The following ADAMTS19 variants were observed in gnomAD, a reference collection of about 807,000 sequenced individuals.
The protein encoded by ADAMTS19 is A disintegrin and metalloproteinase with thrombospondin motifs 19.
ADAMTS19 carries 93 observed loss-of-function variants against 153.3 expected under a neutral mutation model. The ratio of observed to expected loss-of-function variants is 0.61; its 90% CI spans 0.51 to 0.72. ADAMTS19 has a LOEUF of 0.72. Among genes scored for constraint, ADAMTS19 ranks in the 30% least tolerant of loss-of-function variants. The pLI is 0.00. For missense variants in ADAMTS19, 1,482 were observed against 1,552.1 expected, an observed-to-expected ratio of 0.95 and a Z score of 0.76; for synonymous variants, 600 against 556.6, an observed-to-expected ratio of 1.08 and a Z score of -1.10.
chr5:129,568,127 G>A (rs560424906), intron 7 of ADAMTS19, among the ~76,000 whole-genome samples: 22 of 152,234 alleles, frequency 1.4e-4, no homozygotes, highest in Admixed American at 1.3e-3. Flanking sequence ...TGCTTTAAGA[G>A]AATTGCCAAA....
intron 8 of ADAMTS19, among the ~76,000 whole-genome samples, chr5:129,618,976 G>A (rs1240262205): frequency 6.6e-6 from 1 of 151,988 alleles, no homozygotes; most frequent in Admixed American, 6.6e-5. Context: ...TGAACCAAAA[G>A]TAAAAATTTA....
intron 2 of ADAMTS19, among the ~76,000 whole-genome samples, chr5:129,507,013 C>T (rs1240509861): frequency 6.6e-6 from 1 of 151,920 alleles, no homozygotes; most frequent in African/African-American, 2.4e-5. Flanking sequence ...GAACCCAGTT[C>T]AGAATCTTTT....
At chr5:129,515,454 T>C (rs1751571136) in intron 3 of ADAMTS19, among the ~76,000 whole-genome samples, 1 of 152,054 alleles carries the variant, frequency 6.6e-6, no homozygotes, top group South Asian at 2.1e-4. Context: ...CTTTTTGGTA[T>C]CTTCTTCAAT....
chr5:129,597,880 GAC>G (rs1750455302), intron 8 of ADAMTS19, among the ~76,000 whole-genome samples: 1 of 141,734 alleles, frequency 7.1e-6, no homozygotes, highest in Non-Finnish European at 1.5e-5. Flanking sequence ...CCAGCCTGGT[GAC>G]AGAGTGAGTC....
intron 6 of ADAMTS19, among the ~76,000 whole-genome samples, chr5:129,529,794 C>T (rs1250285838): frequency 6.6e-6 from 1 of 152,046 alleles, no homozygotes; most frequent in Non-Finnish European, 1.5e-5. Context: ...AAGGGCTGGT[C>T]TGAAGATAAA....
intron 7 of ADAMTS19, among the ~76,000 whole-genome samples, chr5:129,589,253 C>T (rs1165887133): frequency 2.0e-5 from 3 of 151,348 alleles, no homozygotes; most frequent in Non-Finnish European, 4.4e-5. Context: ...ATTTTCATGC[C>T]AGTTTTCTTG....
intron 7 of ADAMTS19, among the ~76,000 whole-genome samples, chr5:129,594,762 T>C (rs1284503987): frequency 6.6e-6 from 1 of 152,088 alleles, no homozygotes; most frequent in East Asian, 1.9e-4. Flanking sequence ...AGAACTATAA[T>C]AAAAATATGA....
At chr5:129,611,275 A>G (rs1751202160) in intron 8 of ADAMTS19, among the ~76,000 whole-genome samples, 1 of 152,126 alleles carries the variant, frequency 6.6e-6, no homozygotes, top group East Asian at 1.9e-4. Flanking sequence ...TTTGCTGTGC[A>G]GAAGCTCTTT....
intron 7 of ADAMTS19, 108 bp from the exon 8 acceptor site, chr5:129,596,451 T>G (rs1387173499): frequency 1.3e-6 from 1 of 756,650 alleles, no homozygotes; most frequent in Non-Finnish European, 2.1e-6. Context: ...AGATTAATAC[T>G]GACATTTTAG....
Position 129,598,670 on chromosome 5 carries a change from T to C in ADAMTS19, c.1478+2006T>C, listed in dbSNP as rs373783468. On this transcript the variant is annotated intron_variant, in intron 8 of 22. Coordinates refer to ENST00000274487, the MANE Select transcript of ADAMTS19 (RefSeq NM_133638.6). Reference sequence around the variant, plus strand: ...AAATTGAGCAAATTAACATAAGCATTACCTCACATATTTAGCAGTTGTGTT... The same window carrying C: ...AAATTGAGCAAATTAACATAAGCATCACCTCACATATTTAGCAGTTGTGTT... Among the ~76,000 whole-genome samples the C allele has an allele frequency of 4.0e-4, 61 of 152,314 alleles. 1 individual carries two copies. In the South Asian group the frequency reaches 0.012, roughly 31 times the overall value.
chr5:129,474,299 A>G (rs1171321038), intron 2 of ADAMTS19, among the ~76,000 whole-genome samples: 1 of 152,016 alleles, frequency 6.6e-6, no homozygotes, highest in African/African-American at 2.4e-5. Context: ...TTATTCATTC[A>G]TCAGTTGGTG....
chr5:129,663,180 C>G (rs895640410), intron 15 of ADAMTS19, among the ~76,000 whole-genome samples: 2 of 152,114 alleles, frequency 1.3e-5, no homozygotes, highest in African/African-American at 4.8e-5. Flanking sequence ...AGGCGTTAGC[C>G]ACCACGCCCG....
At chr5:129,524,879 T>C (rs1265525333) in intron 3 of ADAMTS19, among the ~76,000 whole-genome samples, 1 of 152,148 alleles carries the variant, frequency 6.6e-6, no homozygotes, top group South Asian at 2.1e-4. Flanking sequence ...TAAGAGCATT[T>C]CTTCCCAGGC....
intron 7 of ADAMTS19, among the ~76,000 whole-genome samples, chr5:129,565,071 C>G (rs1281568662): frequency 2.6e-5 from 4 of 152,142 alleles, no homozygotes; most frequent in African/African-American, 4.8e-5. Flanking sequence ...AGATATTAAA[C>G]ACACTAATCA....
chr5:129,586,081 C>T (rs935964456), intron 7 of ADAMTS19, among the ~76,000 whole-genome samples: 2 of 152,022 alleles, frequency 1.3e-5, no homozygotes, highest in Non-Finnish European at 2.9e-5. Flanking sequence ...TTCTCTTACA[C>T]CCCCTGTCCA....
intron 10 of ADAMTS19, among the ~76,000 whole-genome samples, chr5:129,640,884 G>T (rs1263253218): frequency 1.3e-5 from 2 of 151,936 alleles, no homozygotes; most frequent in Non-Finnish European, 2.9e-5. Context: ...GAGTACAGTG[G>T]CACGGTCTCA....
chr5:129,614,638 T>C (rs1012233252), intron 8 of ADAMTS19, among the ~76,000 whole-genome samples: 51 of 152,166 alleles, frequency 3.4e-4, no homozygotes, highest in Admixed American at 1.3e-3. Flanking sequence ...GACAGGGATG[T>C]ACTCTCTCAC....
intron 2 of ADAMTS19, among the ~76,000 whole-genome samples, chr5:129,478,579 C>T (rs1224299334): frequency 1.3e-5 from 2 of 152,164 alleles, no homozygotes; most frequent in Admixed American, 1.3e-4. Flanking sequence ...CAGGGTCTTG[C>T]TCTGTCATCC....
chr5:129,489,628 G>A (rs1680271583), intron 2 of ADAMTS19, among the ~76,000 whole-genome samples: 1 of 152,128 alleles, frequency 6.6e-6, no homozygotes, highest in Non-Finnish European at 1.5e-5. Flanking sequence ...CTATTAGTAA[G>A]TTTGAGGGGG....
Sources: gnomAD v4.1 joint callset for allele counts (sites outside exome capture counted in the v4.1 genomes callset) on GRCh38, gnomAD v4.1.1 for gene constraint, MANE v1.5 for transcripts, NCBI Gene and HGNC (gene_info 2026-07-23, HGNC 2026-07-21) for gene names.